UBN2: variants seen among roughly 807,000 people sequenced by gnomAD.
UBN2 encodes ubinuclein 2, also known as ubinuclein-2.
A neutral mutation model predicts 120.2 loss-of-function variants in UBN2; 35 were observed. The observed-to-expected ratio is 0.29, with a 90% CI of 0.22 to 0.39. The LOEUF (loss-of-function observed/expected upper bound fraction) is 0.39, where lower values mean the gene tolerates loss of function less well. Among genes scored for constraint, UBN2 ranks in the 10% least tolerant of loss-of-function variants. The pLI, the probability that UBN2 is intolerant of heterozygous loss-of-function variation, is 1.00. For synonymous variants in UBN2, 661 were observed against 648.7 expected, an observed-to-expected ratio of 1.02 and a Z score of -0.29; for missense variants, 1,693 against 1,663.2, an observed-to-expected ratio of 1.02 and a Z score of -0.31.
In UBN2 at chr7:139,300,994, G is replaced by C. The variant is rs1459119316; in HGVS notation, c.*3158G>C. On this transcript the variant is annotated 3_prime_UTR_variant, in exon 18 of 18. Transcript: ENST00000473989. ...GATTTTAAAACAGCCTGAAGAAAAA[G>C]GTTTTGGGAAAGGAAATGAGGCTAA... 1.3e-5 allele frequency: 2 copies of C among 152,152 alleles called. No homozygotes were observed. Among genetic ancestry groups the C allele is most frequent in the Admixed American group, 6.5e-5 (1 of 15,270 alleles). The allele number at this position is 152,152 out of a possible 1,614,324, so 9.4% of individuals were successfully genotyped here.
At chr7:139,323,073 T>TTAACTTG in the UBN2 span, among the ~76,000 whole-genome samples, 2 of 152,154 alleles carry the variant, frequency 1.3e-5, no homozygotes, top group Non-Finnish European at 2.9e-5. Flanking sequence ...CTGCAGGATG[T>TTAACTTG]CATCAGTGGG....
chr7:139,269,731 C>T (rs978282525), intron 8 of UBN2, among the ~76,000 whole-genome samples: 23 of 152,096 alleles, frequency 1.5e-4, no homozygotes, highest in Non-Finnish European at 2.4e-4. Context: ...ATGTTTTCTA[C>T]GGCATAGATT....
intron 17 of UBN2, 149 bp from the exon 18 acceptor site, chr7:139,297,638 G>A: frequency 1.5e-6 from 1 of 664,628 alleles, no homozygotes; most frequent in Non-Finnish European, 2.7e-6. Flanking sequence ...CCTCTATAAT[G>A]CTATATGGCA....
chr7:139,237,160 C>T (rs1796186447), intron 2 of UBN2, 63 bp downstream of exon 2: 6 of 1,247,360 alleles, frequency 4.8e-6, no homozygotes, highest in Non-Finnish European at 5.7e-6. Context: ...CTTTCTGTGG[C>T]TGGTTGGGAG....
At chr7:139,249,428 T>C (rs915142162) in intron 2 of UBN2, among the ~76,000 whole-genome samples, 1 of 152,222 alleles carries the variant, frequency 6.6e-6, no homozygotes, top group African/African-American at 2.4e-5. Flanking sequence ...TGGCATAACT[T>C]TTTTCCCTCA....
At chr7:139,279,508 T>G in intron 13 of UBN2, 148 bp downstream of exon 13, 1 of 601,326 alleles carries the variant, frequency 1.7e-6, no homozygotes, top group Non-Finnish European at 2.8e-6. Context: ...TTAGTACTTT[T>G]GTATTTGGGA....
intron 15 of UBN2, among the ~76,000 whole-genome samples, chr7:139,285,630 A>G (rs184967763): frequency 3.0e-3 from 463 of 152,234 alleles, no homozygotes; most frequent in Non-Finnish European, 4.9e-3. Flanking sequence ...ATAGCTTTCC[A>G]TCTCAGAACT....
At chr7:139,322,249 C>T in the UBN2 span, among the ~76,000 whole-genome samples, 1 of 152,192 alleles carries the variant, frequency 6.6e-6, no homozygotes, top group East Asian at 1.9e-4. Context: ...GCTGGGATTA[C>T]AGGCATGAGC....
intron 15 of UBN2, among the ~76,000 whole-genome samples, chr7:139,291,005 T>C (rs1377547280): frequency 6.6e-6 from 1 of 152,178 alleles, no homozygotes; most frequent in African/African-American, 2.4e-5. Context: ...GTAATAAAAC[T>C]GGAAAGAGCT....
downstream of UBN2, chr7:139,308,326 T>C (rs1051091491): frequency 5.3e-5 from 8 of 152,136 alleles, no homozygotes; most frequent in African/African-American, 1.9e-4. Context: ...TATCACACTG[T>C]GCTAGGTTTA....
In UBN2 at chr7:139,284,195, T is replaced by C. The variant is rs1437303146; in HGVS notation, c.3290T>C (p.Leu1097Pro). 1 of 1,614,100 alleles carries C rather than the reference T, an allele frequency of 6.2e-7. No individual in the cohort carries two copies. Among genetic ancestry groups the C allele is most frequent in the East Asian group, 2.2e-5 (1 of 44,880 alleles). ...CCAAGTAGTTCCAGTCCAAATGCACTAGTTGCCCAGGGTAGCCACTCCAGC... is the reference window on the plus strand; with the variant it reads ...CCAAGTAGTTCCAGTCCAAATGCACCAGTTGCCCAGGGTAGCCACTCCAGC... ...VSPSSSSPNALVAQGSHSSTN... is the reference protein window; with the variant it reads ...VSPSSSSPNAPVAQGSHSSTN... The change falls in exon 15 of 18, where the codon CTA becomes CCA. Residue 1097 changes from leucine (L) to proline (P), a missense_variant. This residue lies in a region of UBN2 where 837 missense variants were observed against 817.6 expected (regional missense o/e 1.02). Coordinates refer to ENST00000473989, the MANE Select transcript of UBN2 (RefSeq NM_173569.4).
rs573990444 is a variant in UBN2 at position 139,300,521 on chromosome 7, A to G, written c.*2685A>G. On this transcript the variant is annotated 3_prime_UTR_variant, in exon 18 of 18. Coordinates refer to ENST00000473989, the MANE Select transcript of UBN2 (RefSeq NM_173569.4). Reference sequence around the variant, plus strand: ...TTTTTAGCACAGAGACTTGTGACTCATACTGTATTTTTGCACTTAAAAATC... The same window carrying G: ...TTTTTAGCACAGAGACTTGTGACTCGTACTGTATTTTTGCACTTAAAAATC... 6.6e-6 allele frequency: 1 copy of G among 152,346 alleles called. No individual in the cohort carries two copies. Among genetic ancestry groups the G allele is most frequent in the African/African-American group, 2.4e-5 (1 of 41,588 alleles). 9.4% of individuals were successfully genotyped at this position (152,346 alleles called of 1,614,324 possible). A position where few individuals can be genotyped will look rare whatever the true frequency, so the allele number is the denominator to read the frequency against.
the UBN2 span, among the ~76,000 whole-genome samples, chr7:139,328,082 G>A: frequency 3.3e-5 from 5 of 152,098 alleles, no homozygotes; most frequent in African/African-American, 1.2e-4. Flanking sequence ...TTCCAGCTAG[G>A]GTTTGAAAGA....
At chr7:139,271,751 C>G (rs1255537407) in intron 8 of UBN2, among the ~76,000 whole-genome samples, 2 of 152,124 alleles carry the variant, frequency 1.3e-5, no homozygotes, top group Non-Finnish European at 2.9e-5. Context: ...AACCTACTTT[C>G]TTTTTTGCCC....
rs549819333 is a variant in UBN2 at position 139,244,374 on chromosome 7, A to T, written c.561+7277A>T. 8.5e-5 allele frequency among the ~76,000 whole-genome samples: 13 copies of T among 152,222 alleles called. No homozygotes were observed. In the South Asian group the frequency reaches 2.1e-3, roughly 24 times the overall value. On this transcript the variant is annotated intron_variant, in intron 2 of 17. Transcript: ENST00000473989. ...TTGTACTTTCTTACACTATAAAAAA[A>T]TTTTTTTAAGAGCCTAGTGTGGTGG...
intron 17 of UBN2, among the ~76,000 whole-genome samples, chr7:139,294,535 G>A (rs2131068194): frequency 6.6e-6 from 1 of 152,304 alleles, no homozygotes; most frequent in East Asian, 1.9e-4. Context: ...TGGCATTTTA[G>A]CGGAGATGAA....
At position 139,283,421 on chromosome 7, in the gene UBN2, C is replaced by T. The variant is rs776637374; in HGVS notation, c.2516C>T (p.Pro839Leu). Residue 839 changes from proline (P) to leucine (L), a missense_variant, in exon 15 of 18, where the codon CCA (proline) becomes CTA (leucine). Coordinates refer to ENST00000473989, the MANE Select transcript of UBN2 (RefSeq NM_173569.4). Reference protein sequence around the residue: ...SSSLIAGHTGPVPKKPQDLAH... With the variant: ...SSSLIAGHTGLVPKKPQDLAH... ...AGTCTTATTGCTGGTCACACAGGGC[C>T]AGTACCAAAGAAACCCCAGGATTTA... The T allele has an allele frequency of 6.2e-7, 1 of 1,614,072 alleles. No individual in the cohort carries two copies. The highest frequency in any genetic ancestry group is 8.5e-7 in the Non-Finnish European group (1 of 1,180,012).
intron 2 of UBN2, among the ~76,000 whole-genome samples, chr7:139,244,622 C>G (rs73732634): frequency 0.01 from 1,550 of 152,216 alleles, 18 homozygotes; most frequent in African/African-American, 0.035. Flanking sequence ...CCAGTTCTAT[C>G]CCTTCTCTGT....
intron 2 of UBN2, among the ~76,000 whole-genome samples, chr7:139,247,167 A>G (rs964193612): frequency 1.3e-5 from 2 of 151,952 alleles, no homozygotes; most frequent in Admixed American, 6.6e-5. Context: ...AAAAAAAAAA[A>G]CAAAAAACTA....
Sources: gnomAD v4.1 joint callset for allele counts (sites outside exome capture counted in the v4.1 genomes callset) on GRCh38, gnomAD v4.1.1 for gene constraint, gnomAD v4.1.1 regional missense constraint, MANE v1.5 for transcripts, NCBI Gene and HGNC (gene_info 2026-07-23, HGNC 2026-07-21) for gene names.